CHRNB1: variants seen among roughly 807,000 people sequenced by gnomAD.
CHRNB1 encodes the protein cholinergic receptor nicotinic beta 1 subunit.
In CHRNB1, 47 loss-of-function variants were observed where a neutral mutation model predicts 53.8. That is an observed-to-expected ratio of 0.87 (90% CI 0.69 to 1.11). The LOEUF is 1.11. Ranked by LOEUF, CHRNB1 falls within the 50% of genes most tolerant of loss-of-function variation. The pLI is 0.00. For missense variants in CHRNB1, 605 were observed against 654.9 expected (o/e 0.92, Z 0.83); for synonymous variants, 259 against 263.5 (o/e 0.98, Z 0.16).
At position 7,454,331 on chromosome 17, in the gene CHRNB1, G is replaced by C; in HGVS notation, c.855G>C (p.Leu285=). The C allele has an allele frequency of 6.2e-7, 1 of 1,614,148 alleles. No individual in the cohort carries two copies. The highest frequency in any genetic ancestry group is 8.5e-7 in the Non-Finnish European group (1 of 1,180,012). Residue 285 remains leucine (L), a synonymous_variant, in exon 8 of 11, where the codon CTG becomes CTC. Transcript: ENST00000306071. ...TGGGGCTCTCAATCTTTGCCCTGCT[G>C]ACCCTTACTGTGTTCCTGCTGCTGC... ...EKMGLSIFAL[L]TLTVFLLLLA... is the part of the protein sequence containing the mutation.
At chr17:7,447,368 C>A in intron 5 of CHRNB1, 135 bp from the exon 6 acceptor site, 1 of 1,087,152 alleles carries the variant, frequency 9.2e-7, no homozygotes, top group South Asian at 1.3e-5. Context: ...CATCCCTCCC[C>A]CATTAATGGC....
Position 7,455,825 on chromosome 17 carries a change from CG to C in CHRNB1, c.1251del (p.Arg418AspfsTer39), listed in dbSNP as rs1597755359. The C allele has an allele frequency of 6.2e-7, 1 of 1,614,098 alleles. No individual in the cohort carries two copies. The highest frequency in any genetic ancestry group is 1.6e-4 in the Middle Eastern group (1 of 6,062). ...GCCTGAACTGTCTGCCCCTGATCTG[CG>C]GCGATTTATCGATGGTCCAAACCGG... ...FQPELSAPDL[R>X]RFIDGPNRAV... is the part of the protein sequence containing the mutation. On this transcript the variant is annotated frameshift_variant, in exon 10 of 11. Transcript: ENST00000306071. LOFTEE classifies it high-confidence loss of function.
In CHRNB1 at chr17:7,454,318, T is replaced by C. The variant is rs778746961; in HGVS notation, c.842T>C (p.Ile281Thr). 1 of 1,614,160 alleles carries C rather than the reference T, an allele frequency of 6.2e-7. No homozygotes were observed. The highest frequency in any genetic ancestry group is 8.5e-7 in the Non-Finnish European group (1 of 1,179,992). Residue 281 changes from isoleucine to threonine, a missense_variant, in exon 8 of 11, where the codon ATC becomes ACC. By Grantham distance (89) the Ile-to-Thr change is moderately conservative. Transcript: ENST00000306071. Reference sequence around the variant, plus strand: ...CAAGGAGAGAAGATGGGGCTCTCAATCTTTGCCCTGCTGACCCTTACTGTG... The same window carrying C: ...CAAGGAGAGAAGATGGGGCTCTCAACCTTTGCCCTGCTGACCCTTACTGTG... ...PDAGEKMGLS[I>T]FALLTLTVFL...
At chr17:7,456,034 G>GT in intron 10 of CHRNB1, 93 bp downstream of exon 10, 5 of 924,238 alleles carry the variant, frequency 5.4e-6, no homozygotes, top group Non-Finnish European at 7.9e-6. Flanking sequence ...TTTTTTTTGT[G>GT]TGGTTTTTTT....
Position 7,446,055 on chromosome 17 carries a change from T to C in CHRNB1, c.199-14T>C. 6.2e-7 allele frequency: 1 copy of C among 1,613,514 alleles called. No individual in the cohort carries two copies. The highest frequency in any genetic ancestry group is 8.5e-7 in the Non-Finnish European group (1 of 1,179,616). ...CCCTACTTCACCTTTACGCCTTAAA[T>C]TTTTCCCTTCTAGAACGAGAAGGAT... On this transcript the variant is annotated splice_polypyrimidine_tract_variant and intron_variant, in intron 2 of 10. Transcript: ENST00000306071.
rs1567680428 is a variant in CHRNB1, at chr17:7,456,675, C to A, written c.1458C>A (p.Ile486=). The A allele has an allele frequency of 6.2e-7, 1 of 1,614,182 alleles. No homozygotes were observed. The highest frequency in any genetic ancestry group is 8.5e-7 in the Non-Finnish European group (1 of 1,180,052). Reference sequence around the variant, plus strand: ...TCACCAGCGTTGGGACCCTAGTCATCTTCCTGGACGCCACGTACCACTTGC... The same window carrying A: ...TCACCAGCGTTGGGACCCTAGTCATATTCCTGGACGCCACGTACCACTTGC... The part of the protein sequence containing the change: ...IIFTSVGTLV[I]FLDATYHLPP... Residue 486 remains isoleucine (I), a synonymous_variant, in exon 11 of 11, where the codon ATC becomes ATA. Coordinates refer to ENST00000306071, the MANE Select transcript of CHRNB1 (RefSeq NM_000747.3).
In CHRNB1 at chr17:7,446,837, G is replaced by A. The variant is rs766823872; in HGVS notation, c.248G>A (p.Trp83Ter). Reference sequence around the variant, plus strand: ...CCTCAGCCTCTGCTTCACTAGGAGTGGACTGACTACAGGCTGAGCTGGGAC... The same window carrying A: ...CCTCAGCCTCTGCTTCACTAGGAGTAGACTGACTACAGGCTGAGCTGGGAC... Reference protein sequence around the residue: ...MSTKVYLDLEWTDYRLSWDPA... With the variant: ...MSTKVYLDLE Residue 83 changes from tryptophan (W) to a stop codon, truncating the protein, a stop_gained, in exon 4 of 11, where the codon TGG becomes TAG. Transcript: ENST00000306071. LOFTEE classifies it high-confidence loss of function. 37 of 1,613,264 alleles carry A rather than the reference G, an allele frequency of 2.3e-5. No homozygotes were observed. Among genetic ancestry groups the A allele is most frequent in the Non-Finnish European group, 3.1e-5 (36 of 1,179,576 alleles).
rs746753981 is a variant in CHRNB1, at chr17:7,445,274, C to T, written c.63C>T (p.Val21=). The part of the protein sequence containing the change: ...GALGAPLAPG[V]RGSEAEGRLR... ...ACTTATTCTCTCCTCCCCCAGGCGT[C>T]CGCGGCTCGGAGGCGGAGGGTCGAC... The change falls in exon 2 of 11, where the codon GTC becomes GTT. Residue 21 remains valine (V), a synonymous_variant. Transcript: ENST00000306071. The surrounding 1 kb of genome is among the most constrained non-coding windows in gnomAD (Gnocchi z 5.7). 33 of 1,612,884 alleles carry T rather than the reference C, an allele frequency of 2.0e-5. No homozygotes were observed. Among genetic ancestry groups the T allele is most frequent in the Non-Finnish European group, 2.1e-5 (25 of 1,179,738 alleles).
In CHRNB1 at chr17:7,445,872, T is replaced by C; in HGVS notation, c.199-197T>C. ...GTCTGGTAGGTTGATAGGCTGGGAG[T>C]GTAGACGGCAGGAAGAGGTGTTTCT... On this transcript the variant is annotated intron_variant, in intron 2 of 10. Coordinates refer to ENST00000306071, the MANE Select transcript of CHRNB1 (RefSeq NM_000747.3). The surrounding 1 kb of genome is among the most constrained non-coding windows in gnomAD (Gnocchi z 5.7). 1 of 646,372 alleles carries C rather than the reference T, an allele frequency of 1.5e-6. No homozygotes were observed. The highest frequency in any genetic ancestry group is 2.3e-5 in the Admixed American group (1 of 42,766). 40.0% of individuals were successfully genotyped at this position (646,372 alleles called of 1,614,324 possible). A position where few individuals can be genotyped will look rare whatever the true frequency, so the allele number is the denominator to read the frequency against.
chr17:7,453,149 C>T (rs1366779155), intron 7 of CHRNB1, among the ~76,000 whole-genome samples: 1 of 152,102 alleles, frequency 6.6e-6, no homozygotes, highest in Admixed American at 6.6e-5. Context: ...TGGAGTTTTG[C>T]TCTTGATGCC....
At position 7,448,615 on chromosome 17, in the gene CHRNB1, G is replaced by C; in HGVS notation, c.647G>C (p.Arg216Pro). The part of the protein sequence containing the change: ...GQWEIIHKPS[R>P]LIQPPGDPRG... ...TGGGAGATTATCCACAAGCCCTCTCGGCTAATCCAGCCTCCAGGCGATCCT... is the reference window on the plus strand; with the variant it reads ...TGGGAGATTATCCACAAGCCCTCTCCGCTAATCCAGCCTCCAGGCGATCCT... The change falls in exon 7 of 11, where the codon CGG becomes CCG. Residue 216 changes from arginine (R) to proline (P), a missense_variant. Physicochemically the swap from Arg to Pro is moderately radical, Grantham distance 103. Coordinates refer to ENST00000306071, the MANE Select transcript of CHRNB1 (RefSeq NM_000747.3). The C allele has an allele frequency of 1.2e-6, 2 of 1,614,132 alleles. No individual in the cohort carries two copies. Among genetic ancestry groups the C allele is most frequent in the Non-Finnish European group, 1.7e-6 (2 of 1,180,028 alleles).
At chr17:7,454,137 C>A (rs1361414703) in intron 7 of CHRNB1, among the ~76,000 whole-genome samples, 160 bp from the exon 8 acceptor site, 1 of 152,150 alleles carries the variant, frequency 6.6e-6, no homozygotes, top group East Asian at 1.9e-4. Flanking sequence ...AGCAATCCTC[C>A]CACCTTGGCC....
Position 7,445,445 on chromosome 17 carries a change from G to T in CHRNB1, c.198+36G>T, listed in dbSNP as rs60038135. ...GCGGGGGGTGGAGGTCAGGCCAGCCGACCGGCCGGGGGCGTGGCTTTAGGC... is the reference window on the plus strand; with the variant it reads ...GCGGGGGGTGGAGGTCAGGCCAGCCTACCGGCCGGGGGCGTGGCTTTAGGC... On this transcript the variant is annotated intron_variant, in intron 2 of 10. Transcript: ENST00000306071. This position sits in a 1 kb window ranked among gnomAD's most constrained non-coding sequence, Gnocchi z 5.7. The T allele has an allele frequency of 0.011, 17,759 of 1,602,686 alleles. 1,521 individuals are homozygous for T. The African/African-American group carries it at 0.2, about 18-fold the overall frequency.
In CHRNB1 at chr17:7,445,767, G is replaced by A. The variant is rs1908580996; in HGVS notation, c.199-302G>A. ...CTCAGGGGTCAATAAATGGCAGCGG[G>A]TGGAGGTTCGGGGCTGGGTGGATTA... On this transcript the variant is annotated intron_variant, in intron 2 of 10. Coordinates refer to ENST00000306071, the MANE Select transcript of CHRNB1 (RefSeq NM_000747.3). The surrounding 1 kb of genome is among the most constrained non-coding windows in gnomAD (Gnocchi z 5.7). The A allele has an allele frequency of 1.5e-6, 1 of 666,004 alleles. No individual in the cohort carries two copies. Among genetic ancestry groups the A allele is most frequent in the Admixed American group, 3.0e-5 (1 of 33,500 alleles). The allele number at this position is 666,004 out of a possible 1,614,324, so 41.3% of individuals were successfully genotyped here. A position where few individuals can be genotyped will look rare whatever the true frequency, so the allele number is the denominator to read the frequency against.
chr17:7,445,421 CG>C lies in CHRNB1; in HGVS notation c.198+18del, dbSNP rs748919331. 4 of 1,609,916 alleles carry C rather than the reference CG, an allele frequency of 2.5e-6. No homozygotes were observed. The highest frequency in any genetic ancestry group is 2.5e-6 in the Non-Finnish European group (3 of 1,179,286). The stretch of plus-strand genomic sequence containing the variant: ...AACTCATCAGCCTGGTGAGGGCGCG[CG>C]GGGGGTGGAGGTCAGGCCAGCCGAC... On this transcript the variant is annotated intron_variant, in intron 2 of 10. Transcript: ENST00000306071. This position sits in a 1 kb window ranked among gnomAD's most constrained non-coding sequence, Gnocchi z 5.7.
rs199903026 is a variant in CHRNB1, at chr17:7,445,115, G to A, written c.-13G>A. 1.9e-6 allele frequency: 3 copies of A among 1,606,216 alleles called. No homozygotes were observed. Among genetic ancestry groups the A allele is most frequent in the Admixed American group, 3.3e-5 (2 of 59,720 alleles). ...GGCTCTCTGAGCGAAGTCACTGAGC[G>A]AGCCGCCAGGCTATGACCCCAGGGG... On this transcript the variant is annotated 5_prime_UTR_variant, in exon 1 of 11. Coordinates refer to ENST00000306071, the MANE Select transcript of CHRNB1 (RefSeq NM_000747.3). This position sits in a 1 kb window ranked among gnomAD's most constrained non-coding sequence, Gnocchi z 5.7.
intron 10 of CHRNB1, 152 bp from the exon 11 acceptor site, chr17:7,456,431 A>G: frequency 2.2e-6 from 2 of 914,338 alleles, no homozygotes; most frequent in East Asian, 4.8e-5. Context: ...ATGCCCATGC[A>G]TTGCCTGCAG....
chr17:7,446,817 G>T lies in CHRNB1; in HGVS notation c.244-16G>T, dbSNP rs1350014101. 1 of 1,608,542 alleles carries T rather than the reference G, an allele frequency of 6.2e-7. No individual in the cohort carries two copies. The highest frequency in any genetic ancestry group is 2.2e-5 in the East Asian group (1 of 44,838). ...GCCTCCAACCCGGGGCAGCCCCTCA[G>T]CCTCTGCTTCACTAGGAGTGGACTG... On this transcript the variant is annotated splice_polypyrimidine_tract_variant and intron_variant, in intron 3 of 10. Transcript: ENST00000306071.
chr17:7,455,444 C>G lies in CHRNB1; in HGVS notation c.1205C>G (p.Pro402Arg), dbSNP rs1435006733. The G allele has an allele frequency of 6.2e-7, 1 of 1,614,136 alleles. No homozygotes were observed. Among genetic ancestry groups the G allele is most frequent in the Non-Finnish European group, 8.5e-7 (1 of 1,180,040 alleles). The change falls in exon 9 of 11, where the codon CCC becomes CGC. Residue 402 changes from proline (P) to arginine (R), a missense_variant. Transcript: ENST00000306071. ...IRKPPSDFLF[P>R]KPNRFQPELS... ...AAGCCGCCAAGTGATTTTCTCTTCC[C>G]CAAACCCAATAGGTAGGACTACGCC...
Sources: allele counts gnomAD v4.1 joint callset (sites outside exome capture counted in the v4.1 genomes callset), GRCh38; gene constraint gnomAD v4.1.1; non-coding constraint Gnocchi (gnomAD v3.1); transcripts MANE v1.5; gene names NCBI Gene and HGNC (gene_info 2026-07-23, HGNC 2026-07-21).